The following COQ8A variants were observed in gnomAD, a reference collection of about 807,000 sequenced individuals.
COQ8A encodes the protein atypical kinase COQ8A, mitochondrial.
Under a neutral mutation model 65.0 loss-of-function variants are expected in COQ8A, and 51 were observed. That is an observed-to-expected ratio of 0.78 (90% CI 0.63 to 0.99). The LOEUF (loss-of-function observed/expected upper bound fraction) is 0.99, where lower values mean the gene tolerates loss of function less well. Among genes scored for constraint, COQ8A ranks in the 50% least tolerant of loss-of-function variants. The pLI is 0.00. For synonymous variants in COQ8A, 371 were observed against 353.2 expected, an observed-to-expected ratio of 1.05 and a Z score of -0.57; for missense variants, 940 against 875.0, an observed-to-expected ratio of 1.07 and a Z score of -0.94.
At chr1:226,976,016 T>A (rs4653780) in intron 4 of COQ8A, among the ~76,000 whole-genome samples, 136,834 of 152,122 alleles carry the variant, frequency 0.9, 61,604 homozygotes, top group African/African-American at 0.91. Flanking sequence ...GTGTGAGCCC[T>A]CTCCCCCAAC....
At chr1:226,963,420 C>T (rs1255828250) in intron 2 of COQ8A, among the ~76,000 whole-genome samples, 1 of 151,314 alleles carries the variant, frequency 6.6e-6, no homozygotes. Context: ...GTCCGGGTCC[C>T]TTCGGGGCCC....
In COQ8A at chr1:226,965,424, GC is replaced by G; in HGVS notation, c.588+18del. 1 of 1,604,230 alleles carries G rather than the reference GC, an allele frequency of 6.2e-7. No homozygotes were observed. The highest frequency in any genetic ancestry group is 1.3e-5 in the African/African-American group (1 of 75,004). On this transcript the variant is annotated intron_variant, in intron 3 of 14. Coordinates refer to ENST00000366777, the MANE Select transcript of COQ8A (RefSeq NM_020247.5). ...CACAAACAGACGGTGCGTATGGGAG[GC>G]CCCTGGAGGGCCGAGGTAGCTGCCA... is the stretch of plus-strand genomic sequence containing the variant.
At chr1:226,980,753 C>G (rs1282115297) in intron 5 of COQ8A, among the ~76,000 whole-genome samples, 1 of 152,260 alleles carries the variant, frequency 6.6e-6, no homozygotes, top group East Asian at 1.9e-4. Context: ...TGGAGTGAGC[C>G]TGGCCCCTTT....
At chr1:226,986,013 C>T (rs1660086855) in intron 14 of COQ8A, among the ~76,000 whole-genome samples, 1 of 152,206 alleles carries the variant, frequency 6.6e-6, no homozygotes, top group South Asian at 2.1e-4. Flanking sequence ...AGCTCCTCTC[C>T]CCTGCTCTGC....
intron 5 of COQ8A, 104 bp from the exon 6 acceptor site, chr1:226,981,923 G>A: frequency 6.5e-7 from 1 of 1,548,436 alleles, no homozygotes; most frequent in Non-Finnish European, 8.9e-7. Context: ...TGGACGCCTG[G>A]GAGGAAGGAC....
chr1:226,980,940 G>T (rs1352751459), intron 5 of COQ8A, among the ~76,000 whole-genome samples: 1 of 152,246 alleles, frequency 6.6e-6, no homozygotes, highest in African/African-American at 2.4e-5. Context: ...TCCCCTGCTG[G>T]GGACCTGGCT....
intron 1 of COQ8A, among the ~76,000 whole-genome samples, chr1:226,948,100 A>T (rs1219103520): frequency 6.6e-6 from 1 of 152,200 alleles, no homozygotes; most frequent in Non-Finnish European, 1.5e-5. Context: ...GGCTCAAAGC[A>T]TCATAAATGT....
At position 226,985,307 on chromosome 1, in the gene COQ8A, A is replaced by G. The variant is rs1009346842; in HGVS notation, c.1626A>G (p.Ile542Met). 6.2e-7 allele frequency: 1 copy of G among 1,613,758 alleles called. No individual in the cohort carries two copies. Among genetic ancestry groups the G allele is most frequent in the Non-Finnish European group, 8.5e-7 (1 of 1,179,998 alleles). ...GGGAGACTGTGCGGGCGAAATCCATAGAGATGAAGTTCCTCACCGGCTACG... is the reference window on the plus strand; with the variant it reads ...GGGAGACTGTGCGGGCGAAATCCATGGAGATGAAGTTCCTCACCGGCTACG... ...RDRETVRAKS[I>M]EMKFLTGYEV... Residue 542 changes from isoleucine (I) to methionine (M), a missense_variant, in exon 14 of 15, where the codon ATA becomes ATG. Ile to Met is a conservative substitution (Grantham distance 10). Transcript: ENST00000366777.
intron 4 of COQ8A, among the ~76,000 whole-genome samples, chr1:226,968,836 T>C (rs1326511195): frequency 1.3e-5 from 2 of 152,202 alleles, no homozygotes; most frequent in African/African-American, 4.8e-5. Flanking sequence ...TGGGACATTA[T>C]GACTGTGATG....
At chr1:226,982,299 C>T in intron 6 of COQ8A, 150 bp downstream of exon 6, 1 of 1,224,566 alleles carries the variant, frequency 8.2e-7, no homozygotes, top group Non-Finnish European at 1.1e-6. Context: ...GGCCTGGTCT[C>T]CAGACGGGTG....
Position 226,985,304 on chromosome 1 carries a change from C to G in COQ8A, c.1623C>G (p.Ser541=), listed in dbSNP as rs1216380130. 6.2e-7 allele frequency: 1 copy of G among 1,613,812 alleles called. No individual in the cohort carries two copies. The highest frequency in any genetic ancestry group is 8.5e-7 in the Non-Finnish European group (1 of 1,180,024). Residue 541 remains serine (S), a synonymous_variant, in exon 14 of 15, where the codon TCC becomes TCG. Transcript: ENST00000366777. The stretch of plus-strand genomic sequence containing the variant: ...ACAGGGAGACTGTGCGGGCGAAATC[C>G]ATAGAGATGAAGTTCCTCACCGGCT... ...DRDRETVRAK[S]IEMKFLTGYE...
intron 2 of COQ8A, among the ~76,000 whole-genome samples, chr1:226,962,717 G>T (rs540448026): frequency 6.6e-6 from 1 of 152,296 alleles, no homozygotes; most frequent in Non-Finnish European, 1.5e-5. Context: ...GCTCTGGGAG[G>T]ATCCCACAGT....
rs780115320 is a variant in COQ8A at position 226,986,599 on chromosome 1, A to C, written c.1806A>C (p.Pro602=). 4.3e-6 allele frequency: 7 copies of C among 1,612,408 alleles called. No homozygotes were observed. Among genetic ancestry groups the C allele is most frequent in the Non-Finnish European group, 1.7e-6 (2 of 1,179,694 alleles). ...PVMLRHRLVP[P]PEETYSLHRK... Reference sequence around the variant, plus strand: ...TGCTGAGGCACCGTCTCGTCCCCCCACCCGAGGAAACCTACTCCCTGCACA... The same window carrying C: ...TGCTGAGGCACCGTCTCGTCCCCCCCCCCGAGGAAACCTACTCCCTGCACA... The change falls in exon 15 of 15, where the codon CCA becomes CCC. Residue 602 remains proline (P), a synonymous_variant. Coordinates refer to ENST00000366777, the MANE Select transcript of COQ8A (RefSeq NM_020247.5).
chr1:226,957,202 G>T (rs1284932860), intron 1 of COQ8A, among the ~76,000 whole-genome samples: 1 of 134,994 alleles, frequency 7.4e-6, no homozygotes, highest in East Asian at 2.2e-4. Flanking sequence ...GCTCTCCCTG[G>T]CTCCTACTCT....
At chr1:226,969,976 C>T (rs1658788370) in intron 4 of COQ8A, among the ~76,000 whole-genome samples, 1 of 151,016 alleles carries the variant, frequency 6.6e-6, no homozygotes, top group East Asian at 1.9e-4. Flanking sequence ...ATGCGTCTCT[C>T]TTTTTTTTTG....
rs1486784648 is a variant in COQ8A at position 226,987,256 on chromosome 1, A to G, written c.*519A>G. ...TAACAGTGCCAACAAGTGCTCCTTAAGCCTGCGAGGCCCAGGCCTGTGGGG... is the reference window on the plus strand; with the variant it reads ...TAACAGTGCCAACAAGTGCTCCTTAGGCCTGCGAGGCCCAGGCCTGTGGGG... On this transcript the variant is annotated 3_prime_UTR_variant, in exon 15 of 15. Coordinates refer to ENST00000366777, the MANE Select transcript of COQ8A (RefSeq NM_020247.5). 6.1e-6 allele frequency: 1 copy of G among 165,082 alleles called. No individual in the cohort carries two copies. Among genetic ancestry groups the G allele is most frequent in the Non-Finnish European group, 1.3e-5 (1 of 75,794 alleles). 10.2% of individuals were successfully genotyped at this position (165,082 alleles called of 1,614,324 possible). A position where few individuals can be genotyped will look rare whatever the true frequency, so the allele number is the denominator to read the frequency against.
rs547607582 is a variant in COQ8A, at chr1:226,958,628, C to T, written c.-9-2749C>T. 5.4e-4 allele frequency among the ~76,000 whole-genome samples: 83 copies of T among 152,316 alleles called. 1 individual carries two copies. The highest frequency in any genetic ancestry group is 2.9e-3 in the Admixed American group (44 of 15,294). ...AGTGAACTTGTGTTGAAGGAACCTC[C>T]GGTTGACTTTTTATTTTGGTTTCAT... On this transcript the variant is annotated intron_variant, in intron 1 of 14. Coordinates refer to ENST00000366777, the MANE Select transcript of COQ8A (RefSeq NM_020247.5).
At chr1:226,984,354 A>T in intron 11 of COQ8A, 119 bp downstream of exon 11, 1 of 1,480,256 alleles carries the variant, frequency 6.8e-7, no homozygotes, top group South Asian at 1.2e-5. Flanking sequence ...GGTGAGGGGC[A>T]GTGAAGTAGC....
intron 1 of COQ8A, among the ~76,000 whole-genome samples, chr1:226,957,279 CT>C (rs1657850930): frequency 9.8e-6 from 1 of 102,462 alleles, no homozygotes; most frequent in Non-Finnish European, 2.2e-5. Flanking sequence ...CACACTCTCC[CT>C]GCCCCCCCCC....
Sources: allele counts gnomAD v4.1 joint callset (sites outside exome capture counted in the v4.1 genomes callset), GRCh38; gene constraint gnomAD v4.1.1; transcripts MANE v1.5; gene names NCBI Gene and HGNC (gene_info 2026-07-23, HGNC 2026-07-21).